Variants in CTXN2 observed in about 807,000 individuals in gnomAD.
The protein encoded by CTXN2 is cortexin 2, also known as cortexin-2.
Under a neutral mutation model 5.7 loss-of-function variants are expected in CTXN2, and 3 were observed. The ratio of observed to expected loss-of-function variants is 0.53; its 90% CI spans 0.24 to 1.36. The LOEUF is 1.36. Among genes scored for constraint, CTXN2 ranks in the 40% most tolerant of loss-of-function variants. The pLI is 0.17. For missense variants in CTXN2, 87 were observed against 93.0 expected, an observed-to-expected ratio of 0.94 and a Z score of 0.26; for synonymous variants, 38 against 36.4, an observed-to-expected ratio of 1.04 and a Z score of -0.16.
intron 1 of CTXN2, among the ~76,000 whole-genome samples, chr15:48,183,828 GT>G (rs1175117780): frequency 2.6e-5 from 4 of 152,192 alleles, no homozygotes; most frequent in African/African-American, 4.8e-5. Flanking sequence ...CAGTCCCAAC[GT>G]TACAGAGCAA....
At chr15:48,185,395 T>C (rs1488663532) in intron 1 of CTXN2, among the ~76,000 whole-genome samples, 2 of 152,128 alleles carry the variant, frequency 1.3e-5, no homozygotes, top group Middle Eastern at 3.2e-3. Flanking sequence ...ATGGGAGATA[T>C]ATGGGAACTT....
intron 1 of CTXN2, among the ~76,000 whole-genome samples, chr15:48,194,799 T>G (rs976084582): frequency 6.6e-6 from 1 of 152,132 alleles, no homozygotes; most frequent in Non-Finnish European, 1.5e-5. Context: ...CAAGTCCATC[T>G]GGCTTCCTAC....
intron 1 of CTXN2, among the ~76,000 whole-genome samples, chr15:48,194,444 T>G: frequency 6.6e-6 from 1 of 152,292 alleles, no homozygotes; most frequent in East Asian, 1.9e-4. Context: ...TTCAATTTAG[T>G]GTCCCTCCTA....
intron 1 of CTXN2, among the ~76,000 whole-genome samples, chr15:48,198,465 T>C (rs747685110): frequency 3.9e-5 from 6 of 152,142 alleles, no homozygotes; most frequent in Non-Finnish European, 5.9e-5. Context: ...TGAGAAGTAA[T>C]TATTTTCCAT....
chr15:48,184,421 C>G (rs2040728688), intron 1 of CTXN2, among the ~76,000 whole-genome samples: 1 of 151,970 alleles, frequency 6.6e-6, no homozygotes, highest in African/African-American at 2.4e-5. Flanking sequence ...AAATAACTGG[C>G]AACTTAAGAA....
chr15:48,181,918 A>T lies in CTXN2; in HGVS notation c.-455+3518A>T, dbSNP rs530065575. Among the ~76,000 whole-genome samples the T allele has an allele frequency of 1.2e-4, 18 of 152,340 alleles. No individual in the cohort carries two copies. In the South Asian group the frequency reaches 3.5e-3, roughly 30 times the overall value. ...GTAAAAATTTACCTCTTTAAAGCTT[A>T]AAAAGGAATTCGTAACTTTTTAAAA... is the stretch of plus-strand genomic sequence containing the variant. On this transcript the variant is annotated intron_variant, in intron 1 of 2. Coordinates refer to the CTXN2 transcript ENST00000644354.
rs557328844 is a variant in CTXN2, at chr15:48,198,427, C to T, written c.-57-2817C>T. On this transcript the variant is annotated intron_variant, in intron 1 of 1. Transcript: ENST00000417307. Reference sequence around the variant, plus strand: ...AATTAAAATATGTATTGAATACCTACAGTGTGCTGGGAACTGTGATCACTA... The same window carrying T: ...AATTAAAATATGTATTGAATACCTATAGTGTGCTGGGAACTGTGATCACTA... Among the ~76,000 whole-genome samples the T allele has an allele frequency of 3.9e-5, 6 of 152,186 alleles. No individual in the cohort carries two copies. In the South Asian group the frequency reaches 8.3e-4, roughly 21 times the overall value.
rs192951038 is a variant in CTXN2, at chr15:48,203,283, T to G, written c.*1737T>G. 1 of 167,236 alleles carries G rather than the reference T, an allele frequency of 6.0e-6. No homozygotes were observed. The highest frequency in any genetic ancestry group is 1.5e-5 in the Non-Finnish European group (1 of 68,132). The allele number at this position is 167,236 out of a possible 1,614,324, so 10.4% of individuals were successfully genotyped here. ...GTCTCTGTGAGATTCCTTGATGCTTTCCATCTCATAATAGATTTAGAACAT... is the reference window on the plus strand; with the variant it reads ...GTCTCTGTGAGATTCCTTGATGCTTGCCATCTCATAATAGATTTAGAACAT... On this transcript the variant is annotated 3_prime_UTR_variant, in exon 2 of 2. Transcript: ENST00000417307.
At chr15:48,191,950 A>T in intron 1 of CTXN2, 97 bp downstream of exon 1, 2 of 386,756 alleles carry the variant, frequency 5.2e-6, no homozygotes, top group Non-Finnish European at 1.0e-5. Context: ...GCATGTCCTC[A>T]TTCTCTTGTA....
chr15:48,181,780 G>T (rs1015255600), intron 1 of CTXN2, among the ~76,000 whole-genome samples: 49 of 152,028 alleles, frequency 3.2e-4, no homozygotes, highest in African/African-American at 1.1e-3. Flanking sequence ...GAATTAAACG[G>T]CAAAGACCAA....
chr15:48,198,303 T>C (rs1298856734), intron 1 of CTXN2, among the ~76,000 whole-genome samples: 1 of 152,152 alleles, frequency 6.6e-6, no homozygotes, highest in African/African-American at 2.4e-5. Context: ...TGTATTTGCA[T>C]GCTTTTTGGA....
In CTXN2 at chr15:48,201,659, A is replaced by G. The variant is rs958795746; in HGVS notation, c.*113A>G. On this transcript the variant is annotated 3_prime_UTR_variant, in exon 2 of 2. Coordinates refer to ENST00000417307, the MANE Select transcript of CTXN2 (RefSeq NM_001145668.2). Reference sequence around the variant, plus strand: ...CTCATTTTGTTCAGTGAATTCAATAAACATCTGTGACTAATTTCTTCACCA... The same window carrying G: ...CTCATTTTGTTCAGTGAATTCAATAGACATCTGTGACTAATTTCTTCACCA... 6 of 1,000,542 alleles carry G rather than the reference A, an allele frequency of 6.0e-6. No individual in the cohort carries two copies. Among genetic ancestry groups the G allele is most frequent in the South Asian group, 1.7e-5 (1 of 58,838 alleles). The allele number at this position is 1,000,542 out of a possible 1,614,324, so 62.0% of individuals were successfully genotyped here. A position where few individuals can be genotyped will look rare whatever the true frequency, so the allele number is the denominator to read the frequency against.
chr15:48,183,450 C>A (rs536509266), intron 1 of CTXN2, among the ~76,000 whole-genome samples: 1 of 152,226 alleles, frequency 6.6e-6, no homozygotes, highest in East Asian at 1.9e-4. Flanking sequence ...GGTTTTCAGA[C>A]AACAGATTGG....
chr15:48,179,145 A>G (rs1017073470), intron 1 of CTXN2, among the ~76,000 whole-genome samples: 3 of 152,106 alleles, frequency 2.0e-5, no homozygotes, highest in African/African-American at 7.2e-5. Context: ...CGTTAAATTT[A>G]ATCAACTCCT....
upstream of CTXN2, chr15:48,191,623 C>T (rs1309294883): frequency 2.3e-6 from 1 of 425,998 alleles, no homozygotes; most frequent in African/African-American, 2.0e-5. Context: ...TTCCTGCAAA[C>T]GCGCGCGCGC....
chr15:48,184,208 C>T (rs1203763580), intron 1 of CTXN2, among the ~76,000 whole-genome samples: 1 of 152,100 alleles, frequency 6.6e-6, no homozygotes, highest in Non-Finnish European at 1.5e-5. Flanking sequence ...TGATTATCTC[C>T]TATAGTTGCC....
intron 1 of CTXN2, among the ~76,000 whole-genome samples, chr15:48,198,829 T>C (rs1398969053): frequency 1.3e-5 from 2 of 152,170 alleles, no homozygotes; most frequent in East Asian, 1.9e-4. Context: ...CCTAAATAAA[T>C]TTAGCTAACA....
At chr15:48,198,740 T>C (rs1035234205) in intron 1 of CTXN2, among the ~76,000 whole-genome samples, 4 of 152,172 alleles carry the variant, frequency 2.6e-5, no homozygotes, top group African/African-American at 7.2e-5. Flanking sequence ...TAATCACTGG[T>C]TAAGAGCCAA....
intron 1 of CTXN2, among the ~76,000 whole-genome samples, chr15:48,199,247 G>A (rs1454982898): frequency 2.6e-5 from 4 of 152,184 alleles, no homozygotes; most frequent in Non-Finnish European, 5.9e-5. Context: ...ACGACTTTGG[G>A]TGAAGCAGCT....
Sources: gnomAD v4.1 joint callset for allele counts (sites outside exome capture counted in the v4.1 genomes callset) on GRCh38, gnomAD v4.1.1 for gene constraint, MANE v1.5 for transcripts, NCBI Gene and HGNC (gene_info 2026-07-23, HGNC 2026-07-21) for gene names.